The following FXYD5 variants were observed in gnomAD, a reference collection of about 807,000 sequenced individuals.
The protein encoded by FXYD5 is FXYD domain-containing ion transport regulator 5.
In FXYD5, 21 loss-of-function variants were observed where a neutral mutation model predicts 25.7. The ratio of observed to expected loss-of-function variants is 0.82; its 90% CI spans 0.58 to 1.18. The LOEUF is 1.18. Ranked by LOEUF, FXYD5 falls within the 50% of genes most tolerant of loss-of-function variation. The pLI is 0.00. For synonymous variants in FXYD5, 101 were observed against 90.7 expected (o/e 1.11, Z -0.64); for missense variants, 229 against 227.7 (o/e 1.01, Z -0.04).
chr19:35,167,305 C>T (rs2065459102), intron 8 of FXYD5, among the ~76,000 whole-genome samples: 2 of 152,168 alleles, frequency 1.3e-5, no homozygotes, highest in African/African-American at 4.8e-5. Context: ...ACTGGCTTTG[C>T]AGGAGGCCTG....
rs61309039 is a variant in FXYD5 at position 35,161,248 on chromosome 19, A to ACACACACACACACACACAC, written c.292+447_292+448insCACACACACACACACACAC. Among the ~76,000 whole-genome samples the ACACACACACACACACACAC allele has an allele frequency of 5.7e-4, 82 of 142,926 alleles. 2 individuals carry two copies. Among genetic ancestry groups the ACACACACACACACACACAC allele is most frequent in the South Asian group, 1.4e-3 (6 of 4,342 alleles). 93.8% of individuals were successfully genotyped at this position (142,926 alleles called of 152,430 possible). A position where few individuals can be genotyped will look rare whatever the true frequency, so the allele number is the denominator to read the frequency against. Reference sequence around the variant, plus strand: ...CACACACACACACACACACACACACAAAAGAATGATTGGCTATATAAGTTC... The same window carrying ACACACACACACACACACAC: ...CACACACACACACACACACACACACACACACACACACACACACACAAAGAATGATTGGCTATATAAGTTC... On this transcript the variant is annotated intron_variant, in intron 5 of 8. Transcript: ENST00000392219.
intron 6 of FXYD5, among the ~76,000 whole-genome samples, 197 bp downstream of exon 6, chr19:35,164,442 A>G (rs73044017): frequency 0.05 from 7,603 of 152,308 alleles, 286 homozygotes; most frequent in East Asian, 0.12. Context: ...ATTGCTGCAT[A>G]CAAACCACCT....
intron 8 of FXYD5, among the ~76,000 whole-genome samples, chr19:35,167,135 G>A (rs1319013037): frequency 1.3e-5 from 2 of 152,194 alleles, no homozygotes; most frequent in Admixed American, 6.5e-5. Context: ...GTTGATCAGG[G>A]TCATGGCAGG....
Position 35,157,425 on chromosome 19 carries a change from G to T in FXYD5, c.66G>T (p.Gln22His). 1 of 1,572,658 alleles carries T rather than the reference G, an allele frequency of 6.4e-7. No individual in the cohort carries two copies. The highest frequency in any genetic ancestry group is 1.1e-5 in the South Asian group (1 of 90,202). ...IVGLILPTRG[Q>H]TLKDTTSSSS... is the part of the protein sequence containing the mutation. ...TTCTCATCCTTGATTCCCCAGGACA[G>T]ACGTTGAAAGATACCACGTCCAGTT... The change falls in exon 3 of 9, where the codon CAG becomes CAT. Residue 22 changes from glutamine to histidine, a missense_variant. Gln to His is a conservative substitution (Grantham distance 24). Coordinates refer to ENST00000392219, the MANE Select transcript of FXYD5 (RefSeq NM_014164.6).
chr19:35,159,761 A>G, intron 4 of FXYD5: 1 of 1,243,802 alleles, frequency 8.0e-7, no homozygotes, highest in Non-Finnish European at 1.1e-6. Context: ...TTTTACAGAC[A>G]AGGAAACAGA....
intron 5 of FXYD5, 31 bp downstream of exon 5, chr19:35,160,832 C>A (rs774145928): frequency 7.1e-7 from 1 of 1,409,362 alleles, no homozygotes; most frequent in East Asian, 2.3e-5. Context: ...CAGCAGCCTA[C>A]GATTTTTGTT....
intron 5 of FXYD5, chr19:35,163,947 G>A (rs1330277928): frequency 9.0e-6 from 13 of 1,437,100 alleles, no homozygotes; most frequent in South Asian, 4.4e-5. Flanking sequence ...TCAGATAGTC[G>A]CAACCGGGGC....
chr19:35,160,709 A>C lies in FXYD5; in HGVS notation c.200A>C (p.Glu67Ala). ...TSPTPTWPAD[E>A]TPQPQTQTQQ... ...CTCCTTGCTCTCCTGACCTGAATAG[A>C]AACACCACAACCCCAGACCCAGACC... Residue 67 changes from glutamate (E) to alanine (A), a missense_variant and splice_region_variant, in exon 5 of 9, where the codon GAA becomes GCA. Physicochemically the swap from Glu to Ala is moderately radical, Grantham distance 107 (BLOSUM62 -1). Transcript: ENST00000392219. 1 of 1,610,134 alleles carries C rather than the reference A, an allele frequency of 6.2e-7. No individual in the cohort carries two copies. The highest frequency in any genetic ancestry group is 8.5e-7 in the Non-Finnish European group (1 of 1,176,446).
intron 8 of FXYD5, among the ~76,000 whole-genome samples, chr19:35,167,799 C>G (rs115009850): frequency 6.6e-6 from 1 of 152,128 alleles, no homozygotes; most frequent in Non-Finnish European, 1.5e-5. Flanking sequence ...ACTGTTGCCT[C>G]GGTCATACAA....
intron 2 of FXYD5, among the ~76,000 whole-genome samples, chr19:35,155,909 C>T (rs760968552): frequency 4.6e-5 from 7 of 152,204 alleles, no homozygotes; most frequent in Non-Finnish European, 8.8e-5. Flanking sequence ...AGATTGGTGT[C>T]GGTTTTCTAC....
chr19:35,169,504 C>A, intron 8 of FXYD5, 62 bp from the exon 9 acceptor site: 3 of 1,275,372 alleles, frequency 2.4e-6, no homozygotes, highest in Non-Finnish European at 3.4e-6. Flanking sequence ...CCCAGCCCCA[C>A]AACACACGAT....
intron 6 of FXYD5, 59 bp downstream of exon 6, chr19:35,164,304 A>G: frequency 6.6e-7 from 1 of 1,515,642 alleles, no homozygotes; most frequent in South Asian, 1.2e-5. Context: ...GTGTATTTCC[A>G]GCACCTGGAG....
Position 35,164,205 on chromosome 19 carries a change from C to A in FXYD5, c.342C>A (p.Ser114Arg), listed in dbSNP as rs1379592609. ...CGCTCTCTGAGAGACCATCCCCAAG[C>A]ACAGACGTCCAGACAGACCCCCAGA... ...TTTLSERPSP[S>R]TDVQTDPQTL... The change falls in exon 6 of 9, where the codon AGC (serine) becomes AGA (arginine). Residue 114 changes from serine to arginine, a missense_variant. Transcript: ENST00000392219. 1 of 1,613,876 alleles carries A rather than the reference C, an allele frequency of 6.2e-7. No homozygotes were observed. Among genetic ancestry groups the A allele is most frequent in the East Asian group, 2.2e-5 (1 of 44,890 alleles).
chr19:35,155,266 G>C (rs1021843631), intron 1 of FXYD5: 1 of 521,480 alleles, frequency 1.9e-6, no homozygotes, highest in African/African-American at 1.9e-5. Flanking sequence ...GTGTTTCTCT[G>C]CTTCAGGAGT....
At chr19:35,156,543 G>A (rs541370387) in intron 2 of FXYD5, among the ~76,000 whole-genome samples, 98 of 152,336 alleles carry the variant, frequency 6.4e-4, no homozygotes, top group Non-Finnish European at 1.3e-3. Context: ...CACTGAGGAG[G>A]TGACATTTGG....
At chr19:35,159,433 G>C in intron 4 of FXYD5, 3 of 1,510,308 alleles carry the variant, frequency 2.0e-6, no homozygotes, top group Non-Finnish European at 2.7e-6. Flanking sequence ...TTGTTTCTTC[G>C]TGCAGTCGTA....
At chr19:35,161,671 C>G (rs1257396947) in intron 5 of FXYD5, among the ~76,000 whole-genome samples, 1 of 152,182 alleles carries the variant, frequency 6.6e-6, no homozygotes, top group African/African-American at 2.4e-5. Context: ...AGGGGATTTT[C>G]CTTTGGACAA....
In FXYD5 at chr19:35,157,420, G is replaced by A; in HGVS notation, c.62-1G>A. On this transcript the variant is annotated splice_acceptor_variant, in intron 2 of 8. Coordinates refer to ENST00000392219, the MANE Select transcript of FXYD5 (RefSeq NM_014164.6). LOFTEE classifies it high-confidence loss of function. ...CTGACTTCTCATCCTTGATTCCCCAGGACAGACGTTGAAAGATACCACGTC... is the reference window on the plus strand; with the variant it reads ...CTGACTTCTCATCCTTGATTCCCCAAGACAGACGTTGAAAGATACCACGTC... The A allele has an allele frequency of 1.3e-6, 2 of 1,563,710 alleles. No homozygotes were observed. The highest frequency in any genetic ancestry group is 8.8e-7 in the Non-Finnish European group (1 of 1,134,558).
At chr19:35,160,575 A>T (rs1443922853) in intron 4 of FXYD5, 134 bp from the exon 5 acceptor site, 5 of 661,452 alleles carry the variant, frequency 7.6e-6, no homozygotes, top group African/African-American at 1.8e-5. Context: ...CGAACTCCCG[A>T]CCTAAGGTAA....
Sources: gnomAD v4.1 joint callset for allele counts (sites outside exome capture counted in the v4.1 genomes callset) on GRCh38, gnomAD v4.1.1 for gene constraint, MANE v1.5 for transcripts, NCBI Gene and HGNC (gene_info 2026-07-23, HGNC 2026-07-21) for gene names.